CCDC85A: variants seen among roughly 807,000 people sequenced by gnomAD.
CCDC85A encodes coiled-coil domain containing 85A, also known as coiled-coil domain-containing protein 85A.
CCDC85A carries 38 observed loss-of-function variants against 50.2 expected under a neutral mutation model. That is an observed-to-expected ratio of 0.76 (90% CI 0.58 to 0.99). The LOEUF (loss-of-function observed/expected upper bound fraction) is 0.99. Among genes scored for constraint, CCDC85A ranks in the 50% least tolerant of loss-of-function variants. The pLI, the probability that CCDC85A is intolerant of heterozygous loss-of-function variation, is 0.00. For missense variants in CCDC85A, 820 were observed against 742.0 expected, an observed-to-expected ratio of 1.11 and a Z score of -1.22; for synonymous variants, 366 against 301.4, an observed-to-expected ratio of 1.21 and a Z score of -2.22.
chr2:56,349,542 G>A lies in CCDC85A; in HGVS notation c.1317+6587G>A, dbSNP rs149762552. Among the ~76,000 whole-genome samples the A allele has an allele frequency of 3.4e-3, 512 of 152,178 alleles. 1 individual carries two copies. Among genetic ancestry groups the A allele is most frequent in the African/African-American group, 0.012 (497 of 41,516 alleles). On this transcript the variant is annotated intron_variant, in intron 3 of 5. Coordinates refer to ENST00000407595, the MANE Select transcript of CCDC85A (RefSeq NM_001080433.2). ...GAAAAATGTGTAAGGCAACATGGAG[G>A]CCCTCAAAATGAGGGGATTCATAAC...
intron 2 of CCDC85A, among the ~76,000 whole-genome samples, chr2:56,276,210 A>T (rs879821062): frequency 3.9e-5 from 6 of 152,254 alleles, no homozygotes; most frequent in Admixed American, 2.6e-4. Flanking sequence ...TATTCCCAGG[A>T]ATATGGCAAT....
At chr2:56,254,657 A>G (rs1669905801) in intron 2 of CCDC85A, among the ~76,000 whole-genome samples, 1 of 152,210 alleles carries the variant, frequency 6.6e-6, no homozygotes, top group South Asian at 2.1e-4. Flanking sequence ...GAGGAGATGG[A>G]CATTAATCAA....
chr2:56,375,670 A>G lies in CCDC85A; in HGVS notation c.1453-146A>G, dbSNP rs1316188205. The G allele has an allele frequency of 1.1e-5, 8 of 756,076 alleles. No individual in the cohort carries two copies. In the East Asian group the frequency reaches 1.9e-4, roughly 18 times the overall value. The allele number at this position is 756,076 out of a possible 1,614,324, so 46.8% of individuals were successfully genotyped here. On this transcript the variant is annotated intron_variant, in intron 4 of 5. Coordinates refer to ENST00000407595, the MANE Select transcript of CCDC85A (RefSeq NM_001080433.2). ...TCAAGCAGCAAGTGTGTTCCAATGA[A>G]CAGATTGATAGCATTGTAGACTAGG... is the stretch of plus-strand genomic sequence containing the variant.
chr2:56,311,221 A>G lies in CCDC85A; in HGVS notation c.1241-31658A>G, dbSNP rs545518996. ...CACACACTTTCATGTCTCAAATTCT[A>G]TAGTCAATTATTTGGAGCAGCCTTC... On this transcript the variant is annotated intron_variant, in intron 2 of 5. Transcript: ENST00000407595. Among the ~76,000 whole-genome samples, 50 of 152,228 alleles carry G rather than the reference A, an allele frequency of 3.3e-4. 1 individual carries two copies. Among genetic ancestry groups the G allele is most frequent in the Admixed American group, 9.2e-4 (14 of 15,256 alleles).
chr2:56,229,729 T>C (rs2103932979), intron 2 of CCDC85A, among the ~76,000 whole-genome samples: 1 of 152,296 alleles, frequency 6.6e-6, no homozygotes, highest in Non-Finnish European at 1.5e-5. Context: ...TCTATATGTC[T>C]AGATGTTTTT....
chr2:56,295,125 G>A (rs1208580153), intron 2 of CCDC85A, among the ~76,000 whole-genome samples: 6 of 144,294 alleles, frequency 4.2e-5, no homozygotes. Context: ...TGGACCAGTT[G>A]TTTTGGATTT....
At chr2:56,371,611 T>C (rs950909568) in intron 3 of CCDC85A, among the ~76,000 whole-genome samples, 3 of 152,214 alleles carry the variant, frequency 2.0e-5, no homozygotes, top group African/African-American at 7.2e-5. Context: ...TCTAATAAGT[T>C]CATTTTGTTT....
chr2:56,320,038 A>G (rs576770470), intron 2 of CCDC85A, among the ~76,000 whole-genome samples: 1 of 152,290 alleles, frequency 6.6e-6, no homozygotes, highest in South Asian at 2.1e-4. Flanking sequence ...CTGAATGACT[A>G]CTGGGTACAT....
chr2:56,278,272 C>G lies in CCDC85A; in HGVS notation c.1241-64607C>G, dbSNP rs116048837. Among the ~76,000 whole-genome samples the G allele has an allele frequency of 2.0e-3, 296 of 149,398 alleles. 1 individual carries two copies. Among genetic ancestry groups the G allele is most frequent in the African/African-American group, 6.7e-3 (271 of 40,708 alleles). On this transcript the variant is annotated intron_variant, in intron 2 of 5. Coordinates refer to ENST00000407595, the MANE Select transcript of CCDC85A (RefSeq NM_001080433.2). ...ATGATTTCCTCATAAATGAACTGGA[C>G]TTTTTTTTTTCTTTTAAGTCTGAAT...
In CCDC85A at chr2:56,192,569, T is replaced by A. The variant is rs377405394; in HGVS notation, c.369T>A (p.Ser123=). 1.3e-4 allele frequency: 203 copies of A among 1,613,854 alleles called. No homozygotes were observed. The highest frequency in any genetic ancestry group is 1.0e-3 in the African/African-American group (75 of 74,976). Residue 123 remains serine, a synonymous_variant, in exon 2 of 6, where the codon TCT becomes TCA. Coordinates refer to ENST00000407595, the MANE Select transcript of CCDC85A (RefSeq NM_001080433.2). The surrounding 1 kb of genome is among the most constrained non-coding windows in gnomAD (Gnocchi z 4.7). ...ACCGGCAGAAAGGCAAGAGGGTGTC[T>A]CGGGAGTGGCAGAGACTGGGTCGCT... ...DDDRQKGKRV[S]REWQRLGRYT... is the part of the protein sequence containing the mutation.
intron 2 of CCDC85A, among the ~76,000 whole-genome samples, chr2:56,324,542 T>A (rs1673370510): frequency 6.6e-6 from 1 of 152,114 alleles, no homozygotes; most frequent in Non-Finnish European, 1.5e-5. Flanking sequence ...TATTAAAACA[T>A]CATTTAATTA....
intron 2 of CCDC85A, among the ~76,000 whole-genome samples, chr2:56,305,782 G>C (rs1672416848): frequency 6.6e-6 from 1 of 152,152 alleles, no homozygotes; most frequent in Admixed American, 6.5e-5. Context: ...TGGACACATT[G>C]GCTTTGATTA....
intron 2 of CCDC85A, among the ~76,000 whole-genome samples, chr2:56,291,534 G>A (rs1482063032): frequency 1.3e-5 from 2 of 152,166 alleles, no homozygotes; most frequent in Admixed American, 1.3e-4. Flanking sequence ...TTAAGCTGTA[G>A]ATTTAAAGGG....
At chr2:56,380,249 C>G (rs1230047927) in intron 5 of CCDC85A, among the ~76,000 whole-genome samples, 2 of 152,058 alleles carry the variant, frequency 1.3e-5, no homozygotes, top group Non-Finnish European at 1.5e-5. Context: ...TGTAACTATT[C>G]TTGGAAAAAA....
intron 2 of CCDC85A, among the ~76,000 whole-genome samples, chr2:56,335,034 T>C (rs1483439532): frequency 6.6e-6 from 1 of 152,348 alleles, no homozygotes. Context: ...TTAAAAATTC[T>C]ATTTCTGTTA....
At chr2:56,209,750 G>A (rs1358161365) in intron 2 of CCDC85A, among the ~76,000 whole-genome samples, 4 of 152,022 alleles carry the variant, frequency 2.6e-5, no homozygotes, top group Non-Finnish European at 5.9e-5. Context: ...ATCATTTGTT[G>A]AGATGGTTAT....
intron 2 of CCDC85A, among the ~76,000 whole-genome samples, chr2:56,260,855 G>A (rs1039295079): frequency 3.0e-4 from 46 of 152,290 alleles, no homozygotes; most frequent in African/African-American, 1.1e-3. Flanking sequence ...TATTTAGCCA[G>A]AATTGTCTCT....
At chr2:56,330,474 T>C (rs1673729816) in intron 2 of CCDC85A, among the ~76,000 whole-genome samples, 1 of 152,214 alleles carries the variant, frequency 6.6e-6, no homozygotes, top group African/African-American at 2.4e-5. Context: ...GAACTTTCAG[T>C]AGCATCTGGG....
intron 2 of CCDC85A, among the ~76,000 whole-genome samples, chr2:56,267,337 TC>T (rs1670495282): frequency 1.3e-5 from 2 of 152,302 alleles, no homozygotes; most frequent in East Asian, 1.9e-4. Flanking sequence ...TCCTTTTTTT[TC>T]CCAACACGAC....
Sources: allele counts gnomAD v4.1 joint callset (sites outside exome capture counted in the v4.1 genomes callset), GRCh38; gene constraint gnomAD v4.1.1; non-coding constraint Gnocchi (gnomAD v3.1); transcripts MANE v1.5; gene names NCBI Gene and HGNC (gene_info 2026-07-23, HGNC 2026-07-21).